Variants in SKI observed in about 807,000 individuals in gnomAD.
SKI encodes the protein SKI proto-oncogene.
Under a neutral mutation model 59.3 loss-of-function variants are expected in SKI, and 23 were observed. The ratio of observed to expected loss-of-function variants is 0.39; its 90% CI spans 0.28 to 0.55. SKI has a LOEUF of 0.55. Ranked by LOEUF, SKI falls within the 20% of genes least tolerant of loss-of-function variation. The pLI is 0.67. For synonymous variants in SKI, 673 were observed against 488.6 expected (o/e 1.38, Z -4.98); for missense variants, 1,017 against 1,038.9 (o/e 0.98, Z 0.29).
Position 2,234,531 on chromosome 1 carries a change from C to T in SKI, c.969+4796C>T, listed in dbSNP as rs142378943. Among the ~76,000 whole-genome samples the T allele has an allele frequency of 1.7e-3, 260 of 152,308 alleles. 1 individual carries two copies. The highest frequency in any genetic ancestry group is 5.5e-3 in the African/African-American group (229 of 41,574). On this transcript the variant is annotated intron_variant, in intron 1 of 6. Coordinates refer to ENST00000378536, the MANE Select transcript of SKI (RefSeq NM_003036.4). ...TCTGGGGTAAGTGTGAGCCGAACCC[C>T]GCCCTGGAGTCTCTCGGGGTTGTGG...
At chr1:2,241,748 G>T (rs1156988297) in intron 1 of SKI, among the ~76,000 whole-genome samples, 1 of 152,154 alleles carries the variant, frequency 6.6e-6, no homozygotes, top group Non-Finnish European at 1.5e-5. Context: ...ATATTTAAGT[G>T]TTTCAATATC....
intron 1 of SKI, among the ~76,000 whole-genome samples, chr1:2,290,508 G>C (rs1640137416): frequency 6.6e-6 from 1 of 150,780 alleles, no homozygotes; most frequent in Admixed American, 6.6e-5. Context: ...CACCAGGGGA[G>C]AGAGACCAGC....
intron 1 of SKI, among the ~76,000 whole-genome samples, chr1:2,277,919 A>G (rs1639781247): frequency 6.6e-6 from 1 of 151,896 alleles, no homozygotes; most frequent in South Asian, 2.1e-4. Context: ...GTCAGGACCC[A>G]CGGGCAGATG....
intron 1 of SKI, among the ~76,000 whole-genome samples, chr1:2,276,439 G>GC (rs1014612497): frequency 9.8e-5 from 15 of 152,338 alleles, no homozygotes; most frequent in African/African-American, 3.6e-4. Flanking sequence ...TGCTCTCCTG[G>GC]CCCCTGGGCC....
At position 2,228,903 on chromosome 1, in the gene SKI, C is replaced by A; in HGVS notation, c.137C>A (p.Ala46Asp). 1 of 1,417,506 alleles carries A rather than the reference C, an allele frequency of 7.1e-7. No homozygotes were observed. Among genetic ancestry groups the A allele is most frequent in the Non-Finnish European group, 9.3e-7 (1 of 1,080,920 alleles). 87.8% of individuals were successfully genotyped at this position (1,417,506 alleles called of 1,614,324 possible). Residue 46 changes from alanine to aspartate, a missense_variant, in exon 1 of 7, where the codon GCC becomes GAC. Physicochemically the swap from Ala to Asp is moderately radical, Grantham distance 126 (BLOSUM62 -2). Coordinates refer to ENST00000378536, the MANE Select transcript of SKI (RefSeq NM_003036.4). ...TTCTCGGCGCGCTGGGCGCAGGAGG[C>A]CTACAAGAAGGAGAGCGCCAAGGAG... ...AAFSARWAQE[A>D]YKKESAKEAG...
chr1:2,230,441 G>A (rs887775415), intron 1 of SKI, among the ~76,000 whole-genome samples: 1 of 152,184 alleles, frequency 6.6e-6, no homozygotes, highest in Non-Finnish European at 1.5e-5. Context: ...AGGGCCATTT[G>A]GCACCCGGCT....
chr1:2,262,351 C>G (rs1156802641), intron 1 of SKI, among the ~76,000 whole-genome samples: 3 of 144,096 alleles, frequency 2.1e-5, no homozygotes, highest in African/African-American at 7.9e-5. Flanking sequence ...GGCGTGGAAT[C>G]AGAGTTTGGG....
At chr1:2,240,399 C>A in intron 1 of SKI, 1 of 783,736 alleles carries the variant, frequency 1.3e-6, no homozygotes, top group Non-Finnish European at 1.5e-6. Flanking sequence ...TGGCTACGGG[C>A]AGGAGTGTGT....
chr1:2,258,294 G>T (rs776646981), intron 1 of SKI, among the ~76,000 whole-genome samples: 1 of 152,080 alleles, frequency 6.6e-6, no homozygotes, highest in Non-Finnish European at 1.5e-5. Context: ...GAATGGTCTC[G>T]GCTGGTATGT....
intron 1 of SKI, among the ~76,000 whole-genome samples, chr1:2,285,266 A>G (rs1425678159): frequency 6.6e-6 from 1 of 152,226 alleles, no homozygotes; most frequent in East Asian, 1.9e-4. Flanking sequence ...GAATCCCAGC[A>G]CTTTGGGAGG....
rs1387292944 is a variant in SKI at position 2,310,060 on chromosome 1, CTA to C, written c.*3297_*3298del. On this transcript the variant is annotated 3_prime_UTR_variant, in exon 7 of 7. Transcript: ENST00000378536. Reference sequence around the variant, plus strand: ...TGATGCTTACTCTGCTACTCGGAAACTATTTTTATGTAATTAATGTATGCTTT... The same window carrying C: ...TGATGCTTACTCTGCTACTCGGAAACTTTTTATGTAATTAATGTATGCTTT... 6.6e-6 allele frequency: 1 copy of C among 151,040 alleles called. No homozygotes were observed. The highest frequency in any genetic ancestry group is 1.5e-5 in the Non-Finnish European group (1 of 67,878). The allele number at this position is 151,040 out of a possible 1,614,324, so 9.4% of individuals were successfully genotyped here.
chr1:2,243,940 A>G (rs575922017), intron 1 of SKI, among the ~76,000 whole-genome samples: 1 of 152,054 alleles, frequency 6.6e-6, no homozygotes, highest in South Asian at 2.1e-4. Context: ...AAAAGGTGGG[A>G]TTGTTTTACC....
At position 2,303,155 on chromosome 1, in the gene SKI, C is replaced by T. The variant is rs775803167; in HGVS notation, c.1095+52C>T. ...GGGGTGGTGGGTACTGGGCCCTTCT[C>T]CTTGGGCAGACCCAGCGGCTGGCAG... On this transcript the variant is annotated intron_variant, in intron 2 of 6. Transcript: ENST00000378536. The surrounding 1 kb of genome is among the most constrained non-coding windows in gnomAD (Gnocchi z 5.6). The T allele has an allele frequency of 6.2e-7, 1 of 1,610,754 alleles. No homozygotes were observed. Among genetic ancestry groups the T allele is most frequent in the Non-Finnish European group, 8.5e-7 (1 of 1,178,612 alleles).
intron 1 of SKI, among the ~76,000 whole-genome samples, chr1:2,279,742 TCTCA>T (rs988961747): frequency 6.6e-6 from 1 of 152,080 alleles, no homozygotes; most frequent in Admixed American, 6.5e-5. Flanking sequence ...AGAGACAGGG[TCTCA>T]CTCTGTCGCC....
chr1:2,235,313 G>T (rs979771084), intron 1 of SKI, among the ~76,000 whole-genome samples: 1 of 152,192 alleles, frequency 6.6e-6, no homozygotes, highest in Non-Finnish European at 1.5e-5. Context: ...CAGAGTGCTG[G>T]GATTACAGGC....
At chr1:2,253,245 G>C (rs930940081) in intron 1 of SKI, among the ~76,000 whole-genome samples, 2 of 152,164 alleles carry the variant, frequency 1.3e-5, no homozygotes, top group African/African-American at 4.8e-5. Context: ...TACATCACAG[G>C]CTCCAGAGCA....
At chr1:2,230,848 C>T (rs969741499) in intron 1 of SKI, among the ~76,000 whole-genome samples, 14 of 152,262 alleles carry the variant, frequency 9.2e-5, no homozygotes, top group South Asian at 6.2e-4. Context: ...AATAGATGCT[C>T]CAGCCCGGTT....
chr1:2,251,576 A>G (rs971226749), intron 1 of SKI, among the ~76,000 whole-genome samples: 3 of 151,932 alleles, frequency 2.0e-5, no homozygotes, highest in Non-Finnish European at 2.9e-5. Context: ...CCCCAGCTGC[A>G]GCCGCCCTCC....
In SKI at chr1:2,303,750, T is replaced by G. The variant is rs571512725; in HGVS notation, c.1212-90T>G. The G allele has an allele frequency of 9.6e-5, 145 of 1,517,096 alleles. 2 individuals carry two copies. The South Asian group carries it at 1.6e-3, about 17-fold the overall frequency. 94.0% of individuals were successfully genotyped at this position (1,517,096 alleles called of 1,614,324 possible). A position where few individuals can be genotyped will look rare whatever the true frequency, so the allele number is the denominator to read the frequency against. The stretch of plus-strand genomic sequence containing the variant: ...TCGGAGCTGGGAAAGTCTTTCCTGT[T>G]TAACACCTTCAGAGGGGGTGTGCGC... On this transcript the variant is annotated intron_variant, in intron 3 of 6. Transcript: ENST00000378536. The surrounding 1 kb of genome is among the most constrained non-coding windows in gnomAD (Gnocchi z 5.6).
Sources: allele counts gnomAD v4.1 joint callset (sites outside exome capture counted in the v4.1 genomes callset), GRCh38; gene constraint gnomAD v4.1.1; non-coding constraint Gnocchi (gnomAD v3.1); transcripts MANE v1.5; gene names NCBI Gene and HGNC (gene_info 2026-07-23, HGNC 2026-07-21).